DAB1: variants seen among roughly 807,000 people sequenced by gnomAD.
DAB1 encodes the protein disabled homolog 1.
DAB1 carries 15 observed loss-of-function variants against 64.6 expected under a neutral mutation model. That is an observed-to-expected ratio of 0.23 (90% CI 0.16 to 0.36). The LOEUF (loss-of-function observed/expected upper bound fraction) is 0.36. Among genes scored for constraint, DAB1 ranks in the 10% least tolerant of loss-of-function variants. DAB1 has a pLI of 1.00. For missense variants in DAB1, 596 were observed against 706.7 expected, an observed-to-expected ratio of 0.84 and a Z score of 1.78; for synonymous variants, 235 against 251.9, an observed-to-expected ratio of 0.93 and a Z score of 0.64.
intron 2 of DAB1, among the ~76,000 whole-genome samples, chr1:57,266,589 A>G (rs1670606382): frequency 6.6e-6 from 1 of 152,192 alleles, no homozygotes; most frequent in Admixed American, 6.5e-5. Context: ...ATACTGGACT[A>G]CAGCAATTTT....
chr1:57,148,261 G>A (rs1397495881), intron 2 of DAB1, among the ~76,000 whole-genome samples: 1 of 152,184 alleles, frequency 6.6e-6, no homozygotes, highest in Non-Finnish European at 1.5e-5. Context: ...AGCCATAGCA[G>A]GTGAACAAGG....
chr1:57,908,715 C>T (rs1018933342), intron 5 of DAB1, among the ~76,000 whole-genome samples: 1 of 152,118 alleles, frequency 6.6e-6, no homozygotes, highest in African/African-American at 2.4e-5. Flanking sequence ...GCCTCATAAC[C>T]AGGGTCTGTT....
chr1:57,017,536 AT>A (rs1373471884), intron 11 of DAB1, among the ~76,000 whole-genome samples: 1 of 152,084 alleles, frequency 6.6e-6, no homozygotes, highest in Non-Finnish European at 1.5e-5. Context: ...AGGCCTGGTC[AT>A]TTTCCTCGCA....
intron 9 of DAB1, among the ~76,000 whole-genome samples, chr1:57,057,205 A>T (rs942645233): frequency 6.6e-6 from 1 of 152,198 alleles, no homozygotes; most frequent in Non-Finnish European, 1.5e-5. Context: ...GCAACAAAAA[A>T]CAAAATAATG....
chr1:57,855,192 G>T (rs761572398), intron 1 of DAB1, among the ~76,000 whole-genome samples: 3 of 152,128 alleles, frequency 2.0e-5, no homozygotes, highest in Non-Finnish European at 2.9e-5. Flanking sequence ...AGGGGGAGGG[G>T]TGCAGTGAGG....
intron 3 of DAB1, among the ~76,000 whole-genome samples, chr1:58,447,207 C>T (rs1411887379): frequency 3.3e-5 from 5 of 152,188 alleles, no homozygotes. Flanking sequence ...GTTTGCTTGA[C>T]TGTCATGAAT....
downstream of DAB1, among the ~76,000 whole-genome samples, chr1:57,822,739 C>T (rs576388894): frequency 1.3e-5 from 2 of 151,842 alleles, no homozygotes; most frequent in East Asian, 3.9e-4. Context: ...TTCTAGTAGC[C>T]ACATTAAAAA....
At position 57,636,114 on chromosome 1, in the gene DAB1, C is replaced by CAA. The variant is rs879722073; in HGVS notation, n.625+13476_625+13477dup. 2.1e-3 allele frequency among the ~76,000 whole-genome samples: 263 copies of CAA among 124,232 alleles called. 5 individuals are homozygous for CAA. The highest frequency in any genetic ancestry group is 3.1e-3 in the Non-Finnish European group (191 of 61,330). The allele number at this position is 124,232 out of a possible 152,430, so 81.5% of individuals were successfully genotyped here. On this transcript the variant is annotated intron_variant and non_coding_transcript_variant, in intron 7 of 20. Transcript: ENST00000485760. ...ACGGTCTCAAAAAAAAAAAAAAAAACAAAAACAAAAAACTGGTGCCCTTAT... is the reference window on the plus strand; with the variant it reads ...ACGGTCTCAAAAAAAAAAAAAAAAACAAAAAAACAAAAAACTGGTGCCCTTAT...
chr1:57,819,982 C>T (rs1029177840), intron 6 of DAB1, among the ~76,000 whole-genome samples: 1 of 152,100 alleles, frequency 6.6e-6, no homozygotes, highest in Admixed American at 6.6e-5. Flanking sequence ...CCTTTACATC[C>T]CTATAGCACT....
chr1:57,483,408 G>A (rs912413064), intron 7 of DAB1, among the ~76,000 whole-genome samples: 1 of 152,044 alleles, frequency 6.6e-6, no homozygotes, highest in Non-Finnish European at 1.5e-5. Context: ...CCTTTCCCTT[G>A]GTTCTCATTC....
chr1:57,425,820 C>G (rs962164474), upstream of DAB1, among the ~76,000 whole-genome samples: 3 of 152,116 alleles, frequency 2.0e-5, no homozygotes, highest in Admixed American at 6.5e-5. Context: ...TAAGTCTCTA[C>G]AAGTTTTCCA....
chr1:58,001,205 T>C (rs1646501864), intron 5 of DAB1, among the ~76,000 whole-genome samples: 1 of 152,038 alleles, frequency 6.6e-6, no homozygotes, highest in Non-Finnish European at 1.5e-5. Context: ...TCCCTACTTT[T>C]TTTCTGGTTC....
intron 1 of DAB1, among the ~76,000 whole-genome samples, chr1:57,411,273 T>A (rs1684088094): frequency 1.3e-5 from 2 of 152,218 alleles, no homozygotes; most frequent in African/African-American, 4.8e-5. Flanking sequence ...GAAAGAGCAC[T>A]GGTTTGGGTG....
At chr1:57,462,210 A>G (rs932358309) in intron 7 of DAB1, among the ~76,000 whole-genome samples, 3 of 151,972 alleles carry the variant, frequency 2.0e-5, no homozygotes, top group African/African-American at 7.3e-5. Context: ...CGGCCTCCCA[A>G]AGTGCTGGGA....
intron 4 of DAB1, among the ~76,000 whole-genome samples, chr1:58,300,606 A>AG (rs1662115424): frequency 1.1e-4 from 4 of 38,004 alleles, no homozygotes; most frequent in African/African-American, 2.5e-4. Flanking sequence ...GAAAGAAAGA[A>AG]AGAAAGAGAG....
At chr1:58,028,003 G>A (rs1003146407) in intron 5 of DAB1, among the ~76,000 whole-genome samples, 2 of 152,100 alleles carry the variant, frequency 1.3e-5, no homozygotes, top group Admixed American at 1.3e-4. Flanking sequence ...CCATTTTCTG[G>A]TCTAATAAAT....
chr1:57,812,796 C>A (rs1273797294), intron 6 of DAB1, among the ~76,000 whole-genome samples: 1 of 152,196 alleles, frequency 6.6e-6, no homozygotes, highest in Non-Finnish European at 1.5e-5. Flanking sequence ...ACTTGAGGCT[C>A]ATACTAACCC....
At chr1:58,055,359 G>T (rs898799177) in intron 5 of DAB1, among the ~76,000 whole-genome samples, 3 of 152,114 alleles carry the variant, frequency 2.0e-5, no homozygotes, top group African/African-American at 7.2e-5. Context: ...CCAGGTATCA[G>T]AATGGTGTCT....
chr1:57,949,549 TACACAC>T (rs879869080), intron 5 of DAB1, among the ~76,000 whole-genome samples: 36 of 134,668 alleles, frequency 2.7e-4, no homozygotes, highest in African/African-American at 1.2e-3. Flanking sequence ...ATCATCTATC[TACACAC>T]ACACACACAC....
Sources: allele counts gnomAD v4.1 joint callset (sites outside exome capture counted in the v4.1 genomes callset), GRCh38; gene constraint gnomAD v4.1.1; transcripts MANE v1.5; gene names NCBI Gene and HGNC (gene_info 2026-07-23, HGNC 2026-07-21).